The following LRRC70 variants were observed in gnomAD, a reference collection of about 807,000 sequenced individuals.
LRRC70 encodes the protein leucine rich repeat containing 70.
In LRRC70, 31 loss-of-function variants were observed where a neutral mutation model predicts 42.4. The ratio of observed to expected loss-of-function variants is 0.73; its 90% CI spans 0.55 to 0.99. LRRC70 has a LOEUF of 0.99. LRRC70 is among the 50% of genes least tolerant of loss of function. LRRC70 has a pLI of 0.00. For synonymous variants in LRRC70, 270 were observed against 262.9 expected (o/e 1.03, Z -0.26); for missense variants, 643 against 707.5 (o/e 0.91, Z 1.03).
Position 62,580,766 on chromosome 5 carries a change from C to T in LRRC70, c.1328C>T (p.Pro443Leu). The T allele has an allele frequency of 6.4e-7, 1 of 1,551,382 alleles. No individual in the cohort carries two copies. The highest frequency in any genetic ancestry group is 2.4e-5 in the East Asian group (1 of 40,918). Residue 443 changes from proline (P) to leucine (L), a missense_variant, in exon 2 of 2, where the codon CCT (proline) becomes CTT (leucine). Pro to Leu is a moderately conservative substitution (Grantham distance 98). Coordinates refer to ENST00000334994, the MANE Select transcript of LRRC70 (RefSeq NM_181506.5). ...AWHKVTTNGS[P>L]LENTETENIT... ...CATAAAGTAACCACAAATGGCAGTC[C>T]TCTGGAAAATACTGAGACTGAGAAC...
In LRRC70 at chr5:62,580,955, C is replaced by G; in HGVS notation, c.1517C>G (p.Ala506Gly). The change falls in exon 2 of 2, where the codon GCT becomes GGT. Residue 506 changes from alanine (A) to glycine (G), a missense_variant. Ala to Gly is a moderately conservative substitution (Grantham distance 60). Coordinates refer to ENST00000334994, the MANE Select transcript of LRRC70 (RefSeq NM_181506.5). ...LEKNSALPNDAASMSGKTSLI... is the reference protein window; with the variant it reads ...LEKNSALPNDGASMSGKTSLI... ...AAAAACAGTGCTCTACCGAATGATG[C>G]TGCTTCAATGTCAGGGAAAACATCT... The G allele has an allele frequency of 1.3e-6, 2 of 1,551,212 alleles. No individual in the cohort carries two copies. Among genetic ancestry groups the G allele is most frequent in the Middle Eastern group, 1.7e-4 (1 of 5,988 alleles).
rs1301730606 is a variant in LRRC70, at chr5:62,580,879, G to T, written c.1441G>T (p.Val481Leu). ...AFGNPLETTA[V>L]LPVQIQLTTS... ...TGGTAATCCATTAGAGACTACAGCA[G>T]TGTTACCTGTGCAAATACAACTTAC... Residue 481 changes from valine to leucine, a missense_variant, in exon 2 of 2, where the codon GTG becomes TTG. Val to Leu is a conservative substitution (Grantham distance 32). Transcript: ENST00000334994. 1.9e-6 allele frequency: 3 copies of T among 1,551,360 alleles called. No homozygotes were observed. Among genetic ancestry groups the T allele is most frequent in the Admixed American group, 2.0e-5 (1 of 50,976 alleles).
chr5:62,579,559 G>C lies in LRRC70; in HGVS notation c.121G>C (p.Gly41Arg). Residue 41 changes from glycine (G) to arginine (R), a missense_variant, in exon 2 of 2, where the codon GGG (glycine) becomes CGG (arginine). By Grantham distance (125) the Gly-to-Arg change is moderately radical. Transcript: ENST00000334994. ...TTCGTCTGTTTGTCAGCTCTGCACT[G>C]GGAGACAAATTAACTGCCGTAACTT... ...GCSSVCQLCTGRQINCRNLGL... is the reference protein window; with the variant it reads ...GCSSVCQLCTRRQINCRNLGL... The C allele has an allele frequency of 6.4e-7, 1 of 1,551,088 alleles. No individual in the cohort carries two copies. The highest frequency in any genetic ancestry group is 8.7e-7 in the Non-Finnish European group (1 of 1,146,598).
Position 62,580,751 on chromosome 5 carries a change from C to T in LRRC70, c.1313C>T (p.Thr438Ile). ...CTAATGATGGCCTGGCATAAAGTAA[C>T]CACAAATGGCAGTCCTCTGGAAAAT... The part of the protein sequence containing the change: ...TALMMAWHKV[T>I]TNGSPLENTE... Residue 438 changes from threonine (T) to isoleucine (I), a missense_variant, in exon 2 of 2, where the codon ACC (threonine) becomes ATC (isoleucine). By Grantham distance (89) the Thr-to-Ile change is moderately conservative (BLOSUM62 -1). Transcript: ENST00000334994. 6.4e-7 allele frequency: 1 copy of T among 1,551,398 alleles called. No homozygotes were observed. The highest frequency in any genetic ancestry group is 8.7e-7 in the Non-Finnish European group (1 of 1,146,830).
At position 62,581,171 on chromosome 5, in the gene LRRC70, A is replaced by G. The variant is rs1047652228; in HGVS notation, c.1733A>G (p.Tyr578Cys). 9 of 1,551,278 alleles carry G rather than the reference A, an allele frequency of 5.8e-6. No homozygotes were observed. The African/African-American group carries it at 1.2e-4, about 21-fold the overall frequency. The change falls in exon 2 of 2, where the codon TAT (tyrosine) becomes TGT (cysteine). Residue 578 changes from tyrosine to cysteine, a missense_variant. Transcript: ENST00000334994. Reference protein sequence around the residue: ...EYYSFYQSARYNVTASICNTS... With the variant: ...EYYSFYQSARCNVTASICNTS... ...TACAGCTTTTATCAGTCAGCAAGGT[A>G]TAATGTAACTGCCTCAATTTGTAAC... is the stretch of plus-strand genomic sequence containing the variant.
In LRRC70 at chr5:62,580,406, T is replaced by G; in HGVS notation, c.968T>G (p.Met323Arg). Residue 323 changes from methionine (M) to arginine (R), a missense_variant, in exon 2 of 2, where the codon ATG (methionine) becomes AGG (arginine). Physicochemically the swap from Met to Arg is moderately conservative, Grantham distance 91. Coordinates refer to ENST00000334994, the MANE Select transcript of LRRC70 (RefSeq NM_181506.5). ...ATTGATAATGATACATTTGAAAATA[T>G]GGGAGCATCTTTGAAGATCCTTAAT... ...ISIDNDTFEN[M>R]GASLKILNLS... is the part of the protein sequence containing the mutation. 1.3e-6 allele frequency: 2 copies of G among 1,551,176 alleles called. No individual in the cohort carries two copies. The highest frequency in any genetic ancestry group is 1.7e-6 in the Non-Finnish European group (2 of 1,146,568).
chr5:62,580,900 CT>C lies in LRRC70; in HGVS notation c.1464del (p.Thr489LeufsTer6). 1 of 1,551,372 alleles carries C rather than the reference CT, an allele frequency of 6.4e-7. No individual in the cohort carries two copies. The highest frequency in any genetic ancestry group is 8.7e-7 in the Non-Finnish European group (1 of 1,146,850). On this transcript the variant is annotated frameshift_variant, in exon 2 of 2. Coordinates refer to ENST00000334994, the MANE Select transcript of LRRC70 (RefSeq NM_181506.5). LOFTEE classifies it high-confidence loss of function. ...AGCAGTGTTACCTGTGCAAATACAACTTACTACTTCTGTTACCTTGAACTTG... is the reference window on the plus strand; with the variant it reads ...AGCAGTGTTACCTGTGCAAATACAACTACTACTTCTGTTACCTTGAACTTG... ...TTAVLPVQIQ[L>X]TTSVTLNLEK...
rs1173644642 is a variant in LRRC70, at chr5:62,579,607, A to C, written c.169A>C (p.Asn57His). ...RNLGLSSIPK[N>H]FPESTVFLYL... Reference sequence around the variant, plus strand: ...CTTAGGCCTTTCGAGTATTCCTAAGAATTTTCCTGAAAGTACAGTTTTTCT... The same window carrying C: ...CTTAGGCCTTTCGAGTATTCCTAAGCATTTTCCTGAAAGTACAGTTTTTCT... The change falls in exon 2 of 2, where the codon AAT becomes CAT. Residue 57 changes from asparagine (N) to histidine (H), a missense_variant. Transcript: ENST00000334994. 7 of 1,551,056 alleles carry C rather than the reference A, an allele frequency of 4.5e-6. No homozygotes were observed. In the Admixed American group the frequency reaches 5.9e-5, roughly 13 times the overall value.
Position 62,581,076 on chromosome 5 carries a change from C to G in LRRC70, c.1638C>G (p.Ile546Met). The G allele has an allele frequency of 6.5e-7, 1 of 1,549,110 alleles. No homozygotes were observed. The highest frequency in any genetic ancestry group is 8.7e-7 in the Non-Finnish European group (1 of 1,146,324). Residue 546 changes from isoleucine to methionine, a missense_variant, in exon 2 of 2, where the codon ATC (isoleucine) becomes ATG (methionine). By Grantham distance (10) the Ile-to-Met change is conservative. Transcript: ENST00000334994. ...CTTGTGTTTTAATCATTTTTTTGAT[C>G]TACAAAGTTGTTCAGTTTAAACAAA... ...ILACVLIIFL[I>M]YKVVQFKQKL... is the part of the protein sequence containing the mutation.
At position 62,579,341 on chromosome 5, in the gene LRRC70, TA is replaced by T. The variant is rs979142366; in HGVS notation, c.-38-52del. 994 of 1,059,746 alleles carry T rather than the reference TA, an allele frequency of 9.4e-4. 5 individuals are homozygous for T. The highest frequency in any genetic ancestry group is 6.0e-3 in the African/African-American group (381 of 63,156). 65.6% of individuals were successfully genotyped at this position (1,059,746 alleles called of 1,614,324 possible). A position where few individuals can be genotyped will look rare whatever the true frequency, so the allele number is the denominator to read the frequency against. On this transcript the variant is annotated intron_variant, in intron 1 of 1. Transcript: ENST00000334994. Reference sequence around the variant, plus strand: ...ATAGAATACAGAAGTTATAGTATTATAAAAAAAATTCATTTGATGAAGTTTT... The same window carrying T: ...ATAGAATACAGAAGTTATAGTATTATAAAAAAATTCATTTGATGAAGTTTT...
At position 62,580,088 on chromosome 5, in the gene LRRC70, C is replaced by G; in HGVS notation, c.650C>G (p.Thr217Arg). The change falls in exon 2 of 2, where the codon ACA becomes AGA. Residue 217 changes from threonine to arginine, a missense_variant. Transcript: ENST00000334994. ...ACLYLGSNNLTKVPSNAFEVL... is the reference protein window; with the variant it reads ...ACLYLGSNNLRKVPSNAFEVL... ...TTGTATTTAGGAAGTAATAATTTAA[C>G]AAAAGTACCATCAAATGCCTTTGAA... 3.9e-6 allele frequency: 6 copies of G among 1,551,014 alleles called. No homozygotes were observed. Among genetic ancestry groups the G allele is most frequent in the Non-Finnish European group, 5.2e-6 (6 of 1,146,618 alleles).
rs769473235 is a variant in LRRC70, at chr5:62,579,974, T to TG, written c.538dup (p.Val180GlyfsTer7). On this transcript the variant is annotated frameshift_variant, in exon 2 of 2. Coordinates refer to ENST00000334994, the MANE Select transcript of LRRC70 (RefSeq NM_181506.5). LOFTEE classifies it high-confidence loss of function. ...CTTGGGAGTGGTACCTTTGTTGGTA[T>TG]GGTTGCTCTTCGGATACTTGATTTA... 27 of 1,551,332 alleles carry TG rather than the reference T, an allele frequency of 1.7e-5. No homozygotes were observed. Among genetic ancestry groups the TG allele is most frequent in the Non-Finnish European group, 1.7e-5 (19 of 1,146,764 alleles).
Position 62,579,684 on chromosome 5 carries a change from A to T in LRRC70, c.246A>T (p.Gly82=). 1 of 1,547,098 alleles carries T rather than the reference A, an allele frequency of 6.5e-7. No homozygotes were observed. Among genetic ancestry groups the T allele is most frequent in the Non-Finnish European group, 8.7e-7 (1 of 1,144,580 alleles). The change falls in exon 2 of 2, where the codon GGA becomes GGT. Residue 82 remains glycine (G), a synonymous_variant. Transcript: ENST00000334994. The part of the protein sequence containing the change: ...ISYINESELT[G]LHSLVALYLD... Reference sequence around the variant, plus strand: ...ATATAAATGAAAGTGAATTAACAGGACTTCATTCTCTTGTAGCATTGTATT... The same window carrying T: ...ATATAAATGAAAGTGAATTAACAGGTCTTCATTCTCTTGTAGCATTGTATT...
chr5:62,581,410 A>G lies in LRRC70; in HGVS notation c.*103A>G, dbSNP rs1744556235. 4 of 888,468 alleles carry G rather than the reference A, an allele frequency of 4.5e-6. No individual in the cohort carries two copies. The South Asian group carries it at 8.5e-5, about 19-fold the overall frequency. 55.0% of individuals were successfully genotyped at this position (888,468 alleles called of 1,614,324 possible). A position where few individuals can be genotyped will look rare whatever the true frequency, so the allele number is the denominator to read the frequency against. The stretch of plus-strand genomic sequence containing the variant: ...ACTTTAGTTGGAAATATAATGAATT[A>G]TATGAGGTTAGCATTATTAAAATAT... On this transcript the variant is annotated 3_prime_UTR_variant, in exon 2 of 2. Transcript: ENST00000334994.
In LRRC70 at chr5:62,581,240, G is replaced by A. The variant is rs755973659; in HGVS notation, c.1802G>A (p.Arg601Gln). ...SLESPGLEQI[R>Q]LHKQIVPENE... Reference sequence around the variant, plus strand: ...GAAAGTCCTGGCTTGGAGCAGATTCGACTTCATAAACAAATTGTTCCTGAA... The same window carrying A: ...GAAAGTCCTGGCTTGGAGCAGATTCAACTTCATAAACAAATTGTTCCTGAA... The change falls in exon 2 of 2, where the codon CGA (arginine) becomes CAA (glutamine). Residue 601 changes from arginine (R) to glutamine (Q), a missense_variant. By Grantham distance (43) the Arg-to-Gln change is conservative. Coordinates refer to ENST00000334994, the MANE Select transcript of LRRC70 (RefSeq NM_181506.5). 3.4e-5 allele frequency: 52 copies of A among 1,541,036 alleles called. No homozygotes were observed. Among genetic ancestry groups the A allele is most frequent in the Admixed American group, 1.5e-4 (7 of 48,014 alleles).
At position 62,580,731 on chromosome 5, in the gene LRRC70, G is replaced by T; in HGVS notation, c.1293G>T (p.Met431Ile). ...TTCATCACAAGACTACTGCGCTAAT[G>T]ATGGCCTGGCATAAAGTAACCACAA... is the stretch of plus-strand genomic sequence containing the variant. ...PHIHHKTTAL[M>I]MAWHKVTTNG... The change falls in exon 2 of 2, where the codon ATG (methionine) becomes ATT (isoleucine). Residue 431 changes from methionine (M) to isoleucine (I), a missense_variant. By Grantham distance (10) the Met-to-Ile change is conservative. Transcript: ENST00000334994. The T allele has an allele frequency of 6.4e-7, 1 of 1,551,416 alleles. No homozygotes were observed. The highest frequency in any genetic ancestry group is 1.2e-5 in the South Asian group (1 of 84,046).
chr5:62,578,910 T>C lies in LRRC70; in HGVS notation c.-64T>C, dbSNP rs562519084. On this transcript the variant is annotated 5_prime_UTR_variant, in exon 1 of 2. Coordinates refer to ENST00000334994, the MANE Select transcript of LRRC70 (RefSeq NM_181506.5). ...AAACCTTTACTGAATCAGCTGAGTG[T>C]TAATAATACGAATTTCCTTTTCTTG... 3.9e-6 allele frequency: 1 copy of C among 255,224 alleles called. No individual in the cohort carries two copies. The highest frequency in any genetic ancestry group is 2.3e-5 in the African/African-American group (1 of 43,286). 15.8% of individuals were successfully genotyped at this position (255,224 alleles called of 1,614,324 possible).
intron 1 of LRRC70, 30 bp downstream of exon 1, chr5:62,578,965 T>C (rs1195942904): frequency 2.5e-5 from 6 of 242,652 alleles, no homozygotes; most frequent in African/African-American, 1.4e-4. Context: ...TATGAACTTC[T>C]AGCTGACATG....
rs941099159 is a variant in LRRC70 at position 62,581,203 on chromosome 5, C to T, written c.1765C>T (p.Pro589Ser). 86 of 1,550,674 alleles carry T rather than the reference C, an allele frequency of 5.5e-5. No individual in the cohort carries two copies. Among genetic ancestry groups the T allele is most frequent in the Non-Finnish European group, 6.7e-5 (77 of 1,146,656 alleles). The change falls in exon 2 of 2, where the codon CCA (proline) becomes TCA (serine). Residue 589 changes from proline (P) to serine (S), a missense_variant. Transcript: ENST00000334994. ...NVTASICNTS[P>S]NSLESPGLEQ... ...AACTGCCTCAATTTGTAACACTTCC[C>T]CAAATTCTCTAGAAAGTCCTGGCTT...
Sources: allele counts gnomAD v4.1 joint callset, GRCh38; gene constraint gnomAD v4.1.1; transcripts MANE v1.5; gene names NCBI Gene and HGNC (gene_info 2026-07-23, HGNC 2026-07-21).